Variants in TJP1 observed in about 807,000 individuals in gnomAD.
TJP1 encodes the protein tight junction protein ZO-1.
Under a neutral mutation model 194.2 loss-of-function variants are expected in TJP1, and 43 were observed. The observed-to-expected ratio is 0.22, with a 90% CI of 0.17 to 0.29. TJP1 has a LOEUF of 0.29. Ranked by LOEUF, TJP1 falls within the 10% of genes least tolerant of loss-of-function variation. TJP1 has a pLI of 1.00. For synonymous variants in TJP1, 801 were observed against 779.0 expected, an observed-to-expected ratio of 1.03 and a Z score of -0.47; for missense variants, 1,971 against 2,185.7, an observed-to-expected ratio of 0.90 and a Z score of 1.96.
At position 29,968,476 on chromosome 15, in the gene TJP1, G is replaced by A. The variant is rs544119941; in HGVS notation, c.173+191C>T. 958 of 930,232 alleles carry A rather than the reference G, an allele frequency of 1.0e-3. 4 individuals are homozygous for A. The South Asian group carries it at 0.014, about 14-fold the overall frequency. The allele number at this position is 930,232 out of a possible 1,614,324, so 57.6% of individuals were successfully genotyped here. A position where few individuals can be genotyped will look rare whatever the true frequency, so the allele number is the denominator to read the frequency against. On this transcript the variant is annotated intron_variant, in intron 1 of 28. Transcript: ENST00000356107. ...CCAGTCAGCGGGCACGCGGTACAAG[G>A]CGGCGCTCGGCCCTGGGCTCGGCCT...
chr15:29,946,809 T>C (rs1253833402), intron 2 of TJP1, among the ~76,000 whole-genome samples: 2 of 152,194 alleles, frequency 1.3e-5, no homozygotes, highest in African/African-American at 4.8e-5. Flanking sequence ...TCTAATTTTA[T>C]GGCACATAAG....
At chr15:29,949,548 C>T (rs1242172437) in intron 2 of TJP1, among the ~76,000 whole-genome samples, 2 of 141,914 alleles carry the variant, frequency 1.4e-5, no homozygotes, top group East Asian at 2.2e-4. Flanking sequence ...ACCACCACCT[C>T]CACAACCACC....
intron 23 of TJP1, among the ~76,000 whole-genome samples, chr15:29,711,920 C>T (rs1273091067): frequency 6.6e-6 from 1 of 152,120 alleles, no homozygotes; most frequent in African/African-American, 2.4e-5. Flanking sequence ...TTAAAATTTC[C>T]CCTTGAGTTA....
chr15:29,924,715 G>A (rs1188550144), intron 2 of TJP1, among the ~76,000 whole-genome samples: 1 of 152,136 alleles, frequency 6.6e-6, no homozygotes, highest in Non-Finnish European at 1.5e-5. Context: ...CTGGGGATGG[G>A]GTGGGCTAAT....
intron 2 of TJP1, among the ~76,000 whole-genome samples, chr15:29,795,900 T>C (rs1156403657): frequency 6.6e-6 from 1 of 152,126 alleles, no homozygotes. Flanking sequence ...AAAACCCATA[T>C]AATCCCAGTC....
chr15:29,735,817 C>T (rs1355801594), intron 11 of TJP1, among the ~76,000 whole-genome samples: 1 of 152,042 alleles, frequency 6.6e-6, no homozygotes, highest in Non-Finnish European at 1.5e-5. Context: ...GGTCTGAAGT[C>T]ACCATGATGC....
chr15:29,820,648 T>C, intron 1 of TJP1: 2 of 697,542 alleles, frequency 2.9e-6, no homozygotes, highest in Middle Eastern at 2.3e-4. Context: ...TGACATTCTG[T>C]GTAATACGGA....
chr15:29,769,872 T>TTATCATTAC (rs1361608748), intron 4 of TJP1, among the ~76,000 whole-genome samples: 2 of 152,196 alleles, frequency 1.3e-5, no homozygotes, highest in Non-Finnish European at 2.9e-5. Context: ...GCTAAACTTT[T>TTATCATTAC]TATCATTACT....
At chr15:29,858,974 C>T (rs1022552311) in intron 2 of TJP1, among the ~76,000 whole-genome samples, 2 of 152,126 alleles carry the variant, frequency 1.3e-5, no homozygotes, top group Non-Finnish European at 2.9e-5. Flanking sequence ...ATTACTAGTA[C>T]GAGCCACTGT....
At chr15:29,709,320 C>A (rs570715931) in intron 24 of TJP1, among the ~76,000 whole-genome samples, 1 of 151,986 alleles carries the variant, frequency 6.6e-6, no homozygotes, top group East Asian at 1.9e-4. Flanking sequence ...ACTAGAATGC[C>A]CAATAATCAT....
chr15:29,820,452 A>G (rs1053661092), intron 1 of TJP1: 1 of 706,646 alleles, frequency 1.4e-6, no homozygotes, highest in African/African-American at 1.8e-5. Flanking sequence ...CTACAACGTA[A>G]TATTTAACGA....
intron 2 of TJP1, among the ~76,000 whole-genome samples, chr15:29,950,028 CCTT>C (rs201702350): frequency 3.0e-4 from 21 of 70,996 alleles, no homozygotes; most frequent in Admixed American, 6.6e-4. Context: ...TCCACCTCCA[CCTT>C]CACCACCACC....
chr15:29,864,207 C>T (rs1475225214), intron 2 of TJP1, among the ~76,000 whole-genome samples: 1 of 109,020 alleles, frequency 9.2e-6, no homozygotes, highest in Non-Finnish European at 1.7e-5. Context: ...GTCTGGCCAA[C>T]ATAGTGAAAC....
intron 2 of TJP1, among the ~76,000 whole-genome samples, chr15:29,921,555 G>A (rs937531662): frequency 1.7e-4 from 26 of 152,114 alleles, no homozygotes; most frequent in African/African-American, 6.3e-4. Flanking sequence ...GAGATGTGTG[G>A]GCACAGCTCT....
intron 4 of TJP1, among the ~76,000 whole-genome samples, chr15:29,769,737 G>A (rs149431992): frequency 1.3e-5 from 2 of 152,292 alleles, no homozygotes; most frequent in East Asian, 3.9e-4. Flanking sequence ...CAGTACTTAT[G>A]TTGGTGGTGA....
chr15:29,848,907 T>G (rs1013365194), intron 2 of TJP1, among the ~76,000 whole-genome samples: 4 of 151,836 alleles, frequency 2.6e-5, no homozygotes, highest in Non-Finnish European at 5.9e-5. Context: ...TTTTCTGTGG[T>G]TTTTTTTAAA....
intron 23 of TJP1, among the ~76,000 whole-genome samples, chr15:29,714,797 TC>T (rs1484756180): frequency 6.6e-6 from 1 of 152,034 alleles, no homozygotes; most frequent in Non-Finnish European, 1.5e-5. Context: ...TGCCTTGGTC[TC>T]CCAAAGTGCT....
intron 2 of TJP1, among the ~76,000 whole-genome samples, chr15:29,838,992 CTTTTTTTTTT>C (rs760557407): frequency 2.4e-5 from 2 of 83,466 alleles, no homozygotes; most frequent in Non-Finnish European, 2.1e-5. Context: ...AAAAATTCAC[CTTTTTTTTTT>C]TTTTTTTTTT....
rs371236216 is a variant in TJP1 at position 29,766,546 on chromosome 15, C to T, written c.313-4G>A. On this transcript the variant is annotated splice_region_variant and splice_polypyrimidine_tract_variant and intron_variant, in intron 4 of 27. Coordinates refer to ENST00000614355, the MANE Select transcript of TJP1 (RefSeq NM_001330239.4). ...CTTTCTTCTTCCTTCTAATTGTCTG[C>T]AAGTTAAAAAGGTTAAAAAATAAGT... 6 of 1,532,738 alleles carry T rather than the reference C, an allele frequency of 3.9e-6. No homozygotes were observed. The highest frequency in any genetic ancestry group is 4.4e-6 in the Non-Finnish European group (5 of 1,142,784). 94.9% of individuals were successfully genotyped at this position (1,532,738 alleles called of 1,614,324 possible).
Sources: allele counts gnomAD v4.1 joint callset (sites outside exome capture counted in the v4.1 genomes callset), GRCh38; gene constraint gnomAD v4.1.1; transcripts MANE v1.5; gene names NCBI Gene and HGNC (gene_info 2026-07-23, HGNC 2026-07-21).